The following LHFPL3 variants were observed in gnomAD, a reference collection of about 807,000 sequenced individuals.
LHFPL3 encodes LHFPL tetraspan subfamily member 3.
Under a neutral mutation model 19.3 loss-of-function variants are expected in LHFPL3, and 5 were observed. That is an observed-to-expected ratio of 0.26 (90% CI 0.14 to 0.54). The LOEUF is 0.54. LHFPL3 is among the 20% of genes least tolerant of loss of function. LHFPL3 has a pLI of 0.94. For synonymous variants in LHFPL3, 133 were observed against 126.2 expected (o/e 1.05, Z -0.36); for missense variants, 249 against 307.4 (o/e 0.81, Z 1.42).
intron 1 of LHFPL3, among the ~76,000 whole-genome samples, chr7:104,385,707 T>A (rs961096162): frequency 6.6e-6 from 1 of 152,204 alleles, no homozygotes; most frequent in East Asian, 1.9e-4. Flanking sequence ...AGTTTTACTT[T>A]AAGGCTAGAA....
At chr7:104,422,535 G>T (rs542735559) in intron 1 of LHFPL3, among the ~76,000 whole-genome samples, 1 of 152,284 alleles carries the variant, frequency 6.6e-6, no homozygotes, top group South Asian at 2.1e-4. Context: ...TATAGAAATT[G>T]ATTTATTTCA....
chr7:104,344,476 T>C (rs1348243930), intron 1 of LHFPL3, among the ~76,000 whole-genome samples: 1 of 152,212 alleles, frequency 6.6e-6, no homozygotes, highest in East Asian at 1.9e-4. Context: ...TTTGCGTACC[T>C]ATACCTTAGC....
intron 1 of LHFPL3, among the ~76,000 whole-genome samples, chr7:104,346,466 A>G (rs1790067711): frequency 6.6e-6 from 1 of 151,966 alleles, no homozygotes; most frequent in Non-Finnish European, 1.5e-5. Context: ...CCAAGTCACC[A>G]CTTTGTGCCA....
At chr7:104,390,307 A>C (rs1225541611) in intron 1 of LHFPL3, among the ~76,000 whole-genome samples, 1 of 152,006 alleles carries the variant, frequency 6.6e-6, no homozygotes. Context: ...CATTTACATT[A>C]GGTATATCTC....
At chr7:104,596,460 G>A (rs10255158) in intron 1 of LHFPL3, among the ~76,000 whole-genome samples, 1 of 152,098 alleles carries the variant, frequency 6.6e-6, no homozygotes, top group Non-Finnish European at 1.5e-5. Context: ...ATGGTTACAA[G>A]TCTAAGTGGT....
intron 1 of LHFPL3, among the ~76,000 whole-genome samples, chr7:104,497,636 A>G (rs1412388900): frequency 1.3e-5 from 2 of 151,832 alleles, no homozygotes; most frequent in East Asian, 3.9e-4. Context: ...TAAAAAAAAA[A>G]AAAAAGGAGG....
intron 1 of LHFPL3, among the ~76,000 whole-genome samples, chr7:104,440,357 C>G (rs750976043): frequency 6.7e-6 from 1 of 150,236 alleles, no homozygotes; most frequent in East Asian, 2.0e-4. Flanking sequence ...AGGTGGGAAT[C>G]GAACAATGAG....
intron 2 of LHFPL3, among the ~76,000 whole-genome samples, chr7:104,839,333 T>C (rs1307742666): frequency 6.6e-6 from 1 of 152,186 alleles, no homozygotes; most frequent in Non-Finnish European, 1.5e-5. Flanking sequence ...TCCACCTATA[T>C]GGCAGATTGG....
intron 2 of LHFPL3, among the ~76,000 whole-genome samples, chr7:104,868,884 A>G (rs978240005): frequency 6.6e-6 from 1 of 152,192 alleles, no homozygotes; most frequent in Non-Finnish European, 1.5e-5. Context: ...AGAGATATAG[A>G]TCAATGGAAC....
chr7:104,806,368 T>C lies in LHFPL3; in HGVS notation c.682+69457T>C, dbSNP rs183039896. Among the ~76,000 whole-genome samples the C allele has an allele frequency of 2.9e-3, 448 of 152,380 alleles. 2 individuals are homozygous for C. Among genetic ancestry groups the C allele is most frequent in the African/African-American group, 7.2e-3 (301 of 41,594 alleles). On this transcript the variant is annotated intron_variant, in intron 2 of 2. Transcript: ENST00000424859. The stretch of plus-strand genomic sequence containing the variant: ...TAGGGGAAATTTTTCTACCAGAGTT[T>C]ATTCTAGAAACCCTTAAACTGTTCT...
intron 2 of LHFPL3, among the ~76,000 whole-genome samples, chr7:104,877,275 A>AT (rs34942728): frequency 0.07 from 9,613 of 138,188 alleles, 791 homozygotes; most frequent in East Asian, 0.44. Flanking sequence ...TTAAAGTATA[A>AT]TAAAAAAAAA....
intron 1 of LHFPL3, among the ~76,000 whole-genome samples, chr7:104,551,838 T>G (rs925469022): frequency 1.3e-5 from 2 of 152,106 alleles, no homozygotes; most frequent in Non-Finnish European, 2.9e-5. Flanking sequence ...AAGACACCAT[T>G]TGAAGCACAA....
chr7:104,880,770 T>TA (rs1792034789), intron 2 of LHFPL3, among the ~76,000 whole-genome samples: 1 of 152,086 alleles, frequency 6.6e-6, no homozygotes, highest in African/African-American at 2.4e-5. Flanking sequence ...TGGAGGTATA[T>TA]AAAAAAATAA....
intron 2 of LHFPL3, among the ~76,000 whole-genome samples, chr7:104,837,661 G>GTGTT (rs1791123250): frequency 6.6e-6 from 1 of 152,060 alleles, no homozygotes; most frequent in Non-Finnish European, 1.5e-5. Flanking sequence ...GGAACAGGTG[G>GTGTT]TGTTTGGTTA....
At chr7:104,557,350 G>A (rs1020767744) in intron 1 of LHFPL3, among the ~76,000 whole-genome samples, 5 of 152,194 alleles carry the variant, frequency 3.3e-5, no homozygotes, top group Non-Finnish European at 5.9e-5. Context: ...CAGAAGGCAA[G>A]GAGGATCAAG....
chr7:104,764,756 T>C (rs1229874924), intron 2 of LHFPL3, among the ~76,000 whole-genome samples: 72 of 152,226 alleles, frequency 4.7e-4, no homozygotes, highest in Admixed American at 4.7e-3. Context: ...GCCATGACTG[T>C]GTTGTTAGTA....
chr7:104,760,646 G>T (rs1794356277), intron 2 of LHFPL3, among the ~76,000 whole-genome samples: 1 of 152,090 alleles, frequency 6.6e-6, no homozygotes. Context: ...TAGTTATTGT[G>T]CATTCACCAC....
chr7:104,711,673 C>G (rs1277828438), intron 1 of LHFPL3, among the ~76,000 whole-genome samples: 3 of 152,080 alleles, frequency 2.0e-5, no homozygotes, highest in Non-Finnish European at 2.9e-5. Flanking sequence ...GGACTGCCAA[C>G]AAGCAGGTTA....
At chr7:104,663,671 G>C (rs904641344) in intron 1 of LHFPL3, among the ~76,000 whole-genome samples, 1 of 152,230 alleles carries the variant, frequency 6.6e-6, no homozygotes, top group African/African-American at 2.4e-5. Context: ...CCATATAAGA[G>C]AGCAAGTTTG....
Sources: allele counts gnomAD v4.1 joint callset (sites outside exome capture counted in the v4.1 genomes callset), GRCh38; gene constraint gnomAD v4.1.1; transcripts MANE v1.5; gene names NCBI Gene and HGNC (gene_info 2026-07-23, HGNC 2026-07-21).